RHBDD1: variants seen among roughly 807,000 people sequenced by gnomAD.
RHBDD1 encodes rhomboid domain containing 1, also known as rhomboid-related protein 4.
RHBDD1 carries 38 observed loss-of-function variants against 36.3 expected under a neutral mutation model. That is an observed-to-expected ratio of 1.05 (90% CI 0.81 to 1.37). RHBDD1 has a LOEUF of 1.37. RHBDD1 is among the 40% of genes most tolerant of loss of function. The pLI, the probability that RHBDD1 is intolerant of heterozygous loss-of-function variation, is 0.00. For missense variants in RHBDD1, 393 were observed against 377.6 expected (o/e 1.04, Z -0.34); for synonymous variants, 151 against 136.5 (o/e 1.11, Z -0.74).
chr2:226,867,343 C>T, intron 5 of RHBDD1, 25 bp downstream of exon 5: 1 of 1,598,390 alleles, frequency 6.3e-7, no homozygotes, highest in Non-Finnish European at 8.5e-7. Context: ...TTGGGGAATA[C>T]AGTTGAAGGA....
chr2:226,856,211 T>A (rs1340813829), intron 3 of RHBDD1, among the ~76,000 whole-genome samples: 1 of 152,218 alleles, frequency 6.6e-6, no homozygotes, highest in Non-Finnish European at 1.5e-5. Context: ...AAGCACAATT[T>A]ACATGTTATT....
At chr2:226,836,581 C>T (rs960501673) in intron 1 of RHBDD1, among the ~76,000 whole-genome samples, 2 of 152,184 alleles carry the variant, frequency 1.3e-5, no homozygotes, top group Non-Finnish European at 2.9e-5. Context: ...TTCTGTCCAA[C>T]CCCTAAAAAC....
upstream of RHBDD1, among the ~76,000 whole-genome samples, chr2:226,834,619 T>C (rs1248008673): frequency 2.6e-5 from 4 of 152,334 alleles, no homozygotes; most frequent in South Asian, 6.2e-4. Flanking sequence ...AGATAAACTC[T>C]TCTGGTTTAG....
chr2:226,854,172 C>T (rs778511076), intron 3 of RHBDD1, among the ~76,000 whole-genome samples: 3 of 152,090 alleles, frequency 2.0e-5, no homozygotes, highest in Non-Finnish European at 4.4e-5. Context: ...TTATATGGTA[C>T]TTATGTTTCA....
intron 8 of RHBDD1, among the ~76,000 whole-genome samples, chr2:226,965,625 A>G (rs1368533922): frequency 2.6e-5 from 4 of 152,182 alleles, no homozygotes; most frequent in African/African-American, 7.2e-5. Flanking sequence ...AAGAATGACT[A>G]AGGTTTTTGG....
At chr2:226,926,220 A>G (rs1949662006) in intron 8 of RHBDD1, among the ~76,000 whole-genome samples, 1 of 116,746 alleles carries the variant, frequency 8.6e-6, no homozygotes, top group Non-Finnish European at 1.8e-5. Flanking sequence ...TCTACTAAGT[A>G]AATAAAAAAA....
intron 8 of RHBDD1, among the ~76,000 whole-genome samples, chr2:226,951,093 A>G (rs1951393628): frequency 6.6e-6 from 1 of 152,146 alleles, no homozygotes; most frequent in Admixed American, 6.5e-5. Flanking sequence ...GTAGGTTTAC[A>G]GTTTCAGGTC....
At chr2:226,810,764 T>C in the RHBDD1 span, 1 of 151,974 alleles carries the variant, frequency 6.6e-6, no homozygotes, top group African/African-American at 2.4e-5. Context: ...TCCATGCAGT[T>C]CAAACCCCTG....
At chr2:226,891,437 A>G (rs976513073) in intron 5 of RHBDD1, among the ~76,000 whole-genome samples, 3 of 152,238 alleles carry the variant, frequency 2.0e-5, no homozygotes, top group African/African-American at 7.2e-5. Flanking sequence ...TAATCATAGA[A>G]GTGACTTGTA....
intron 5 of RHBDD1, among the ~76,000 whole-genome samples, chr2:226,898,104 C>G (rs557275342): frequency 2.0e-5 from 3 of 152,232 alleles, no homozygotes; most frequent in African/African-American, 7.2e-5. Context: ...GATCTGCCCT[C>G]ATGACCCAGT....
At chr2:226,924,361 A>G (rs1949531143) in intron 8 of RHBDD1, among the ~76,000 whole-genome samples, 2 of 152,190 alleles carry the variant, frequency 1.3e-5, no homozygotes, top group South Asian at 4.1e-4. Context: ...ACCCTATCCT[A>G]CTGTGGCTGA....
intron 8 of RHBDD1, among the ~76,000 whole-genome samples, chr2:226,941,060 C>G (rs1055481887): frequency 2.0e-5 from 3 of 151,966 alleles, no homozygotes; most frequent in Non-Finnish European, 2.9e-5. Context: ...AATCCTCCTG[C>G]CTCAGCCCGC....
chr2:226,872,029 A>G (rs147573089), intron 5 of RHBDD1, among the ~76,000 whole-genome samples: 1 of 152,200 alleles, frequency 6.6e-6, no homozygotes, highest in Admixed American at 6.5e-5. Flanking sequence ...AGGGGGAATT[A>G]TAAAGGATGA....
At chr2:226,889,040 G>C (rs1946471527) in intron 5 of RHBDD1, among the ~76,000 whole-genome samples, 3 of 152,200 alleles carry the variant, frequency 2.0e-5, no homozygotes, top group Non-Finnish European at 4.4e-5. Flanking sequence ...TTTGCCCCAA[G>C]AAACTGTAAA....
At chr2:226,979,526 G>A (rs1269794840) in intron 8 of RHBDD1, among the ~76,000 whole-genome samples, 2 of 152,140 alleles carry the variant, frequency 1.3e-5, no homozygotes, top group African/African-American at 4.8e-5. Context: ...AGATTCTCTA[G>A]GAGCCCGTTT....
At chr2:226,825,707 T>C in the RHBDD1 span, among the ~76,000 whole-genome samples, 72 of 152,248 alleles carry the variant, frequency 4.7e-4, no homozygotes, top group South Asian at 1.7e-3. Context: ...GCATCCAAGG[T>C]CACCCACTAC....
intron 8 of RHBDD1, among the ~76,000 whole-genome samples, chr2:226,936,815 A>G (rs1284470634): frequency 6.6e-6 from 1 of 152,138 alleles, no homozygotes; most frequent in Non-Finnish European, 1.5e-5. Flanking sequence ...AATCTTGTTC[A>G]TTACTATCAA....
chr2:226,970,851 A>C (rs1259540412), intron 8 of RHBDD1, among the ~76,000 whole-genome samples: 1 of 152,138 alleles, frequency 6.6e-6, no homozygotes, highest in Non-Finnish European at 1.5e-5. Flanking sequence ...GAGAGGAGGG[A>C]TATCGTGCCC....
chr2:226,984,800 C>G (rs1956560769), intron 8 of RHBDD1, among the ~76,000 whole-genome samples: 1 of 152,202 alleles, frequency 6.6e-6, no homozygotes, highest in Non-Finnish European at 1.5e-5. Context: ...ACCCCCAAGT[C>G]AAACCAAGTT....
Sources: allele counts gnomAD v4.1 joint callset (sites outside exome capture counted in the v4.1 genomes callset), GRCh38; gene constraint gnomAD v4.1.1; transcripts MANE v1.5; gene names NCBI Gene and HGNC (gene_info 2026-07-23, HGNC 2026-07-21).